RAB6A: variants seen among roughly 807,000 people sequenced by gnomAD.
RAB6A encodes ras-related protein Rab-6A.
Under a neutral mutation model 32.3 loss-of-function variants are expected in RAB6A, and 8 were observed. That is an observed-to-expected ratio of 0.25 (90% confidence interval 0.15 to 0.45). The LOEUF is 0.45. Ranked by LOEUF, RAB6A falls within the 20% of genes least tolerant of loss-of-function variation. RAB6A has a pLI of 1.00. For synonymous variants in RAB6A, 73 were observed against 82.1 expected (o/e 0.89, Z 0.60); for missense variants, 104 against 249.4 (o/e 0.42, Z 3.93).
chr11:73,745,157 T>C (rs1473515879), intron 1 of RAB6A, among the ~76,000 whole-genome samples: 1 of 152,184 alleles, frequency 6.6e-6, no homozygotes, highest in Non-Finnish European at 1.5e-5. Flanking sequence ...ACATTAACAC[T>C]ATCTCAAAGT....
In RAB6A at chr11:73,756,707, C is replaced by T. The variant is rs145080262; in HGVS notation, c.70+3859G>A. 2.8e-3 allele frequency among the ~76,000 whole-genome samples: 420 copies of T among 152,290 alleles called. 2 individuals are homozygous for T. Among genetic ancestry groups the T allele is most frequent in the Middle Eastern group, 0.024 (7 of 294 alleles). ...ATTTATTTATTTAGAGACAAAGTCT[C>T]GCTCTGAGGCCCAGGCTGGAGTGCA... On this transcript the variant is annotated intron_variant, in intron 1 of 7. Transcript: ENST00000336083.
chr11:73,704,427 G>C (rs1459848239), intron 6 of RAB6A, among the ~76,000 whole-genome samples: 1 of 151,894 alleles, frequency 6.6e-6, no homozygotes, highest in Non-Finnish European at 1.5e-5. Context: ...GCTCACACCT[G>C]TAATTCCAGC....
In RAB6A at chr11:73,729,012, A is replaced by G. The variant is rs1467080857; in HGVS notation, c.129+1753T>C. Among the ~76,000 whole-genome samples, 4 of 152,272 alleles carry G rather than the reference A, an allele frequency of 2.6e-5. No homozygotes were observed. The East Asian group carries it at 7.7e-4, about 29-fold the overall frequency. On this transcript the variant is annotated intron_variant, in intron 2 of 7. Coordinates refer to ENST00000336083, the MANE Select transcript of RAB6A (RefSeq NM_198896.2). ...TTTCTTCTTGAGATAGTTTTAGTAAACTGTGTCTTTCTTGGAATTTGTCCA... is the reference window on the plus strand; with the variant it reads ...TTTCTTCTTGAGATAGTTTTAGTAAGCTGTGTCTTTCTTGGAATTTGTCCA...
At chr11:73,679,143 G>A (rs1033267079) in intron 7 of RAB6A, among the ~76,000 whole-genome samples, 1 of 152,152 alleles carries the variant, frequency 6.6e-6, no homozygotes, top group African/African-American at 2.4e-5. Context: ...ACTAGAAGGT[G>A]AATATGAAAC....
intron 6 of RAB6A, among the ~76,000 whole-genome samples, chr11:73,685,055 CA>C (rs760227603): frequency 2.1e-4 from 32 of 152,038 alleles, no homozygotes; most frequent in Non-Finnish European, 4.0e-4. Context: ...TGGCAAAAAG[CA>C]AAAAACTAAA....
intron 6 of RAB6A, among the ~76,000 whole-genome samples, chr11:73,692,663 A>G (rs1945588646): frequency 6.6e-6 from 1 of 151,484 alleles, no homozygotes; most frequent in South Asian, 2.1e-4. Context: ...ATAATAAACA[A>G]ATGCCTGCCG....
chr11:73,704,709 A>C (rs1164184039), intron 6 of RAB6A, among the ~76,000 whole-genome samples: 1 of 149,802 alleles, frequency 6.7e-6, no homozygotes, highest in Non-Finnish European at 1.5e-5. Context: ...ATAAAAAATA[A>C]AAATAGTCTG....
chr11:73,682,715 G>A (rs997218707), intron 6 of RAB6A, among the ~76,000 whole-genome samples: 1 of 152,142 alleles, frequency 6.6e-6, no homozygotes, highest in Non-Finnish European at 1.5e-5. Flanking sequence ...CCAGGCTGGA[G>A]TACAGTGGCA....
intron 1 of RAB6A, among the ~76,000 whole-genome samples, chr11:73,759,667 A>C (rs1946812127): frequency 6.6e-6 from 1 of 152,228 alleles, no homozygotes; most frequent in Non-Finnish European, 1.5e-5. Context: ...TGAATAATTA[A>C]CATTTCCCCA....
At chr11:73,702,981 C>T (rs543169952) in intron 6 of RAB6A, among the ~76,000 whole-genome samples, 292 of 151,866 alleles carry the variant, frequency 1.9e-3, no homozygotes, top group Non-Finnish European at 3.6e-3. Context: ...CTCAGACTCC[C>T]GAGTAGCTGG....
chr11:73,731,649 A>C, intron 1 of RAB6A, among the ~76,000 whole-genome samples: 1 of 142,834 alleles, frequency 7.0e-6, no homozygotes, highest in Non-Finnish European at 1.5e-5. Context: ...AAGATCCATA[A>C]CTTCACTTTG....
At chr11:73,750,217 CAAG>C (rs909155273) in intron 1 of RAB6A, among the ~76,000 whole-genome samples, 5 of 152,030 alleles carry the variant, frequency 3.3e-5, no homozygotes, top group African/African-American at 1.2e-4. Flanking sequence ...GACAGGATAA[CAAG>C]GAGGTTTATT....
intron 4 of RAB6A, among the ~76,000 whole-genome samples, chr11:73,716,754 AAGTATGTCAGCC>A (rs1354004892): frequency 6.6e-6 from 1 of 152,210 alleles, no homozygotes; most frequent in Non-Finnish European, 1.5e-5. Flanking sequence ...GCATTTTCCA[AAGTATGTCAGCC>A]AGTAAGTCCC....
chr11:73,728,221 ATCCTT>A (rs1946251009), intron 2 of RAB6A, among the ~76,000 whole-genome samples: 1 of 152,180 alleles, frequency 6.6e-6, no homozygotes, highest in African/African-American at 2.4e-5. Flanking sequence ...GAGGGCAGAC[ATCCTT>A]ACTTGTTCCT....
rs771266786 is a variant in RAB6A, at chr11:73,760,628, G to A, written c.8C>T (p.Thr3Met). MS[T>M]GGDFGNPLRK... is the part of the protein sequence containing the mutation. ...CAGCGGATTCCCGAAGTCTCCGCCC[G>A]TGGACATTGTGGAACTAGAGGAGCG... is the stretch of plus-strand genomic sequence containing the variant. Residue 3 changes from threonine to methionine, a missense_variant, in exon 1 of 8, where the codon ACG becomes ATG. By Grantham distance (81) the Thr-to-Met change is moderately conservative. This residue lies in a region of RAB6A where 48 missense variants were observed against 155.2 expected (regional missense o/e 0.31). Coordinates refer to ENST00000336083, the MANE Select transcript of RAB6A (RefSeq NM_198896.2). 14 of 1,609,708 alleles carry A rather than the reference G, an allele frequency of 8.7e-6. No homozygotes were observed. Among genetic ancestry groups the A allele is most frequent in the South Asian group, 1.1e-5 (1 of 90,288 alleles).
intron 1 of RAB6A, chr11:73,760,042 T>C: frequency 7.8e-7 from 1 of 1,289,184 alleles, no homozygotes; most frequent in South Asian, 1.2e-5. Context: ...TACCACCCCT[T>C]CCCACCTTCC....
At chr11:73,692,970 AAAACAAAAC>A (rs1945599151) in intron 6 of RAB6A, among the ~76,000 whole-genome samples, 2 of 43,856 alleles carry the variant, frequency 4.6e-5, no homozygotes, top group Non-Finnish European at 1.6e-4. Flanking sequence ...AAAACAAAAC[AAAACAAAAC>A]AAAAAAACAA....
chr11:73,719,039 A>G, intron 3 of RAB6A: 1 of 661,560 alleles, frequency 1.5e-6, no homozygotes, highest in Non-Finnish European at 2.5e-6. Flanking sequence ...AGGAATGAAA[A>G]TAACACAAAA....
At chr11:73,712,402 G>C (rs917540175) in intron 5 of RAB6A, among the ~76,000 whole-genome samples, 1 of 151,322 alleles carries the variant, frequency 6.6e-6, no homozygotes, top group Non-Finnish European at 1.5e-5. Flanking sequence ...CCAGGCTGGA[G>C]TGCAGTGGCA....
Sources: gnomAD v4.1 joint callset for allele counts (sites outside exome capture counted in the v4.1 genomes callset) on GRCh38, gnomAD v4.1.1 for gene constraint, gnomAD v4.1.1 regional missense constraint, MANE v1.5 for transcripts, NCBI Gene and HGNC (gene_info 2026-07-23, HGNC 2026-07-21) for gene names.